Variants in CNTN6 observed in about 807,000 individuals in gnomAD.
CNTN6 encodes contactin-6.
CNTN6 carries 137 observed loss-of-function variants against 122.8 expected under a neutral mutation model. The ratio of observed to expected loss-of-function variants is 1.12; its 90% confidence interval spans 0.97 to 1.29. The LOEUF is 1.29. Among genes scored for constraint, CNTN6 ranks in the 50% most tolerant of loss-of-function variants. CNTN6 has a pLI of 0.00. For synonymous variants in CNTN6, 570 were observed against 426.0 expected (o/e 1.34, Z -4.16); for missense variants, 1,634 against 1,223.4 (o/e 1.34, Z -5.01).
At chr3:1,295,955 G>A in intron 6 of CNTN6, 151 bp downstream of exon 6, 1 of 664,298 alleles carries the variant, frequency 1.5e-6, no homozygotes. Context: ...AAATATAACA[G>A]AAAATTATCT....
chr3:1,385,421 T>C (rs1366724094), intron 19 of CNTN6, among the ~76,000 whole-genome samples, 190 bp from the exon 20 acceptor site: 2 of 152,210 alleles, frequency 1.3e-5, no homozygotes, highest in African/African-American at 4.8e-5. Flanking sequence ...TTCATGACTT[T>C]TTTCCTCATA....
intron 1 of CNTN6, among the ~76,000 whole-genome samples, chr3:1,125,703 G>C (rs139450916): frequency 1.2e-4 from 18 of 151,494 alleles, no homozygotes; most frequent in African/African-American, 3.6e-4. Context: ...TGGGCTAGAA[G>C]TGTTTCAAGT....
rs545204134 is a variant in CNTN6, at chr3:1,097,089, C to A, written c.-83+3969C>A. Among the ~76,000 whole-genome samples the A allele has an allele frequency of 2.0e-5, 3 of 152,248 alleles. No individual in the cohort carries two copies. The East Asian group carries it at 5.8e-4, about 29-fold the overall frequency. On this transcript the variant is annotated intron_variant, in intron 1 of 22. Transcript: ENST00000446702. ...TTGAAAAGAGCTGTTCTAGTTAAGA[C>A]TGAGTTCATCTGCATGATGTGTTGT...
rs753554473 is a variant in CNTN6, at chr3:1,220,747, T to C, written c.116T>C (p.Leu39Ser). 6.2e-7 allele frequency: 1 copy of C among 1,613,564 alleles called. No individual in the cohort carries two copies. Among genetic ancestry groups the C allele is most frequent in the Non-Finnish European group, 8.5e-7 (1 of 1,179,702 alleles). The change falls in exon 3 of 23, where the codon TTG becomes TCG. Residue 39 changes from leucine to serine, a missense_variant. Physicochemically the swap from Leu to Ser is moderately radical, Grantham distance 145. Coordinates refer to ENST00000446702, the MANE Select transcript of CNTN6 (RefSeq NM_001289080.2). ...TQEPHDVIFP[L>S]DLSKSEVILN... ...GAGCCACATGATGTCATTTTTCCTT[T>C]GGATTTATCAAAATCTGAGGTCATC...
At chr3:1,371,891 T>C (rs777573661) in intron 12 of CNTN6, among the ~76,000 whole-genome samples, 11 of 152,186 alleles carry the variant, frequency 7.2e-5, no homozygotes, top group African/African-American at 1.4e-4. Context: ...GTCATAATCT[T>C]AGAAACATGG....
intron 2 of CNTN6, among the ~76,000 whole-genome samples, chr3:1,173,528 G>A (rs116068867): frequency 0.01 from 1,564 of 152,240 alleles, 31 homozygotes; most frequent in African/African-American, 0.035. Flanking sequence ...AGTACATGAC[G>A]AAGTTGGGAT....
At chr3:1,113,441 T>C (rs1009852225) in intron 1 of CNTN6, among the ~76,000 whole-genome samples, 4 of 152,176 alleles carry the variant, frequency 2.6e-5, no homozygotes, top group Admixed American at 6.5e-5. Flanking sequence ...CAAATTATCA[T>C]ATGAAAAATG....
chr3:1,231,730 C>G (rs2094354640), intron 4 of CNTN6, among the ~76,000 whole-genome samples: 1 of 152,330 alleles, frequency 6.6e-6, no homozygotes, highest in Non-Finnish European at 1.5e-5. Flanking sequence ...ACAAAAGTCT[C>G]TTTCAGCTAT....
chr3:1,255,870 A>C (rs2094749345), intron 4 of CNTN6, among the ~76,000 whole-genome samples: 1 of 151,644 alleles, frequency 6.6e-6, no homozygotes, highest in Non-Finnish European at 1.5e-5. Context: ...TTTTAGTTTT[A>C]GTTTTATTGT....
chr3:1,256,263 C>T (rs538807220), intron 4 of CNTN6, among the ~76,000 whole-genome samples: 2 of 152,054 alleles, frequency 1.3e-5, no homozygotes, highest in African/African-American at 4.8e-5. Flanking sequence ...AATCTGGGAG[C>T]CTATTGAGTC....
intron 10 of CNTN6, among the ~76,000 whole-genome samples, chr3:1,328,487 A>G (rs962351775): frequency 5.3e-5 from 8 of 151,772 alleles, no homozygotes; most frequent in African/African-American, 1.9e-4. Flanking sequence ...CTACTGTTTG[A>G]TTGAACATTT....
At chr3:1,317,012 A>C (rs1367739940) in intron 7 of CNTN6, among the ~76,000 whole-genome samples, 1 of 151,922 alleles carries the variant, frequency 6.6e-6, no homozygotes, top group Non-Finnish European at 1.5e-5. Context: ...TCTGTACCTT[A>C]CATTACCAAT....
At chr3:1,130,333 C>T (rs938865190) in intron 1 of CNTN6, among the ~76,000 whole-genome samples, 3 of 152,054 alleles carry the variant, frequency 2.0e-5, no homozygotes, top group Non-Finnish European at 2.9e-5. Context: ...AAAGATAACA[C>T]GGTGAAAACC....
intron 2 of CNTN6, among the ~76,000 whole-genome samples, chr3:1,201,097 TTTTGTGTGTGTGTGTGTG>T (rs2093861516): frequency 8.9e-6 from 1 of 112,754 alleles, no homozygotes; most frequent in Non-Finnish European, 1.8e-5. Flanking sequence ...CCAGCTAACA[TTTTGTGTGTGTGTGTGTG>T]TGTGTGTGTG....
chr3:1,294,066 TTA>T (rs1695787961), intron 5 of CNTN6, among the ~76,000 whole-genome samples: 4 of 152,110 alleles, frequency 2.6e-5, no homozygotes, highest in Non-Finnish European at 4.4e-5. Context: ...TCTTATAAAG[TTA>T]CACTTACATC....
intron 5 of CNTN6, among the ~76,000 whole-genome samples, chr3:1,292,934 A>C (rs1397442254): frequency 6.6e-6 from 1 of 152,046 alleles, no homozygotes; most frequent in Non-Finnish European, 1.5e-5. Flanking sequence ...TCCCACACTC[A>C]TAACATGCTT....
At chr3:1,254,582 G>A (rs2094722731) in intron 4 of CNTN6, among the ~76,000 whole-genome samples, 1 of 152,084 alleles carries the variant, frequency 6.6e-6, no homozygotes, top group African/African-American at 2.4e-5. Context: ...TTACAGTGCT[G>A]ATAAAACAAA....
intron 3 of CNTN6, among the ~76,000 whole-genome samples, chr3:1,226,021 G>A (rs996836937): frequency 1.3e-5 from 2 of 152,068 alleles, no homozygotes; most frequent in Admixed American, 6.6e-5. Context: ...AGACGCGCCC[G>A]AAGAAGTCAA....
intron 4 of CNTN6, among the ~76,000 whole-genome samples, chr3:1,234,421 GA>G (rs2094396042): frequency 6.6e-6 from 1 of 152,060 alleles, no homozygotes; most frequent in Non-Finnish European, 1.5e-5. Flanking sequence ...CTCACATTTA[GA>G]AATAAATTTT....
Sources: allele counts gnomAD v4.1 joint callset (sites outside exome capture counted in the v4.1 genomes callset), GRCh38; gene constraint gnomAD v4.1.1; transcripts MANE v1.5; gene names NCBI Gene and HGNC (gene_info 2026-07-23, HGNC 2026-07-21).